The following NEK1 variants were observed in gnomAD, a reference collection of about 807,000 sequenced individuals.
NEK1 encodes the protein NIMA related kinase 1.
In NEK1, 137 loss-of-function variants were observed where a neutral mutation model predicts 182.1. That is an observed-to-expected ratio of 0.75 (90% CI 0.65 to 0.87). The LOEUF is 0.87. Among genes scored for constraint, NEK1 ranks in the 40% least tolerant of loss-of-function variants. NEK1 has a pLI of 0.00. For missense variants in NEK1, 1,391 were observed against 1,494.4 expected (o/e 0.93, Z 1.14); for synonymous variants, 513 against 492.2 (o/e 1.04, Z -0.56).
In NEK1 at chr4:169,439,775, G is replaced by A. The variant is rs529297048; in HGVS notation, c.2588-1516C>T. ...ATTTAGTAAAAATAATCAGTACAGC[G>A]TCCAGATATAAAATTTTCTATCTAT... On this transcript the variant is annotated intron_variant, in intron 27 of 35. Transcript: ENST00000507142. Among the ~76,000 whole-genome samples the A allele has an allele frequency of 3.2e-4, 49 of 151,410 alleles. No homozygotes were observed. The Middle Eastern group carries it at 0.01, about 32-fold the overall frequency.
intron 19 of NEK1, among the ~76,000 whole-genome samples, chr4:169,536,296 C>CA (rs386402227): frequency 0.35 from 31,434 of 90,144 alleles, 5,182 homozygotes; most frequent in African/African-American, 0.52. Flanking sequence ...GAGTTTGTCT[C>CA]AAAAAAAAAA....
intron 30 of NEK1, among the ~76,000 whole-genome samples, chr4:169,425,442 G>GA (rs35489092): frequency 0.023 from 2,277 of 100,638 alleles, 57 homozygotes; most frequent in African/African-American, 0.062. Flanking sequence ...CAAACAAAAT[G>GA]AAAAAAAAAA....
At chr4:169,561,806 G>A (rs762854802) in intron 14 of NEK1, 26 bp downstream of exon 14, 53 of 1,605,700 alleles carry the variant, frequency 3.3e-5, no homozygotes, top group Non-Finnish European at 3.6e-5. Flanking sequence ...CTTGCCAAAG[G>A]TAGAAAAACA....
intron 12 of NEK1, among the ~76,000 whole-genome samples, chr4:169,571,506 T>C (rs1764847578): frequency 6.6e-6 from 1 of 152,164 alleles, no homozygotes; most frequent in African/African-American, 2.4e-5. Context: ...TTACTTGATA[T>C]AGTGTGATCA....
chr4:169,611,115 T>A (rs1772252806), intron 2 of NEK1, among the ~76,000 whole-genome samples: 1 of 152,200 alleles, frequency 6.6e-6, no homozygotes, highest in Admixed American at 6.5e-5. Flanking sequence ...TGAAAAGGTG[T>A]CATGTTCATG....
chr4:169,604,132 T>A (rs1194662434), intron 2 of NEK1, among the ~76,000 whole-genome samples: 3 of 152,246 alleles, frequency 2.0e-5, no homozygotes, highest in Non-Finnish European at 4.4e-5. Context: ...CATAAATTAT[T>A]TTCCCTTATA....
chr4:169,527,930 C>CTTTAA (rs1351469107), intron 19 of NEK1, among the ~76,000 whole-genome samples: 1 of 151,870 alleles, frequency 6.6e-6, no homozygotes, highest in East Asian at 1.9e-4. Flanking sequence ...TATAAATTCA[C>CTTTAA]TATAAAAAAC....
intron 31 of NEK1, among the ~76,000 whole-genome samples, chr4:169,422,278 G>A (rs932633295): frequency 1.3e-5 from 2 of 152,180 alleles, no homozygotes; most frequent in Admixed American, 1.3e-4. Context: ...GGTTGCAAAA[G>A]GGGATAGAGA....
chr4:169,505,574 C>T (rs1053229895), intron 23 of NEK1, among the ~76,000 whole-genome samples: 1 of 152,196 alleles, frequency 6.6e-6, no homozygotes, highest in Non-Finnish European at 1.5e-5. Context: ...AGTCAAAAGT[C>T]GTATGTGAAT....
At chr4:169,441,517 T>C (rs1739457101) in intron 27 of NEK1, among the ~76,000 whole-genome samples, 1 of 152,166 alleles carries the variant, frequency 6.6e-6, no homozygotes, top group Non-Finnish European at 1.5e-5. Flanking sequence ...CCACCACCAC[T>C]GATTTCTGAG....
rs1166159246 is a variant in NEK1, at chr4:169,507,803, A to T, written c.1834-11T>A. 2 of 1,599,542 alleles carry T rather than the reference A, an allele frequency of 1.3e-6. No homozygotes were observed. Among genetic ancestry groups the T allele is most frequent in the African/African-American group, 2.7e-5 (2 of 74,700 alleles). On this transcript the variant is annotated splice_polypyrimidine_tract_variant and intron_variant, in intron 21 of 35. Transcript: ENST00000507142. ...ATGATTAGCTTCTTTCTACAAAATA[A>T]GTAGATAAGCAAATCACTTAGGATA... is the stretch of plus-strand genomic sequence containing the variant.
At chr4:169,570,455 TG>T (rs1167674045) in intron 12 of NEK1, among the ~76,000 whole-genome samples, 1 of 141,752 alleles carries the variant, frequency 7.1e-6, no homozygotes, top group Non-Finnish European at 1.5e-5. Context: ...GGGAGGGAGG[TG>T]GGGGGATCAG....
Position 169,401,681 on chromosome 4 carries a change from T to C in NEK1, c.3554A>G (p.Glu1185Gly). ...GTGCCATTCTTCGTTCAGGGCACTTTCACTGCTGGGATTGTCATCTTCATC... is the reference window on the plus strand; with the variant it reads ...GTGCCATTCTTCGTTCAGGGCACTTCCACTGCTGGGATTGTCATCTTCATC... ...VADEDDNPSS[E>G]SALNEEWHSD... The change falls in exon 33 of 36, where the codon GAA becomes GGA. Residue 1185 changes from glutamate to glycine, a missense_variant. Physicochemically the swap from Glu to Gly is moderately conservative, Grantham distance 98. Transcript: ENST00000507142. The C allele has an allele frequency of 6.2e-7, 1 of 1,613,906 alleles. No individual in the cohort carries two copies. Among genetic ancestry groups the C allele is most frequent in the Admixed American group, 1.7e-5 (1 of 60,010 alleles).
chr4:169,476,903 A>G (rs1747051200), intron 26 of NEK1, among the ~76,000 whole-genome samples: 1 of 152,058 alleles, frequency 6.6e-6, no homozygotes. Flanking sequence ...CTTTTGTAAT[A>G]AAAATCCTTG....
chr4:169,420,048 T>C (rs1052546077), intron 31 of NEK1, among the ~76,000 whole-genome samples: 3 of 152,182 alleles, frequency 2.0e-5, no homozygotes, highest in Non-Finnish European at 4.4e-5. Context: ...ATACATAGAC[T>C]ACACTAAATG....
chr4:169,470,935 C>T (rs189825445), intron 26 of NEK1, among the ~76,000 whole-genome samples: 1 of 152,254 alleles, frequency 6.6e-6, no homozygotes, highest in Non-Finnish European at 1.5e-5. Context: ...CTTGTGTATG[C>T]TTCACAAAGT....
At position 169,508,757 on chromosome 4, in the gene NEK1, C is replaced by A. The variant is rs780575380; in HGVS notation, c.1749+12G>T. The stretch of plus-strand genomic sequence containing the variant: ...CTATGTGATGGAGGTAGCGAACATG[C>A]GGGAAGCATACCTCTTCCTCTTTGT... On this transcript the variant is annotated intron_variant, in intron 20 of 35. Coordinates refer to ENST00000507142, the MANE Select transcript of NEK1 (RefSeq NM_001199397.3). 2 of 1,553,826 alleles carry A rather than the reference C, an allele frequency of 1.3e-6. No individual in the cohort carries two copies. Among genetic ancestry groups the A allele is most frequent in the Non-Finnish European group, 1.7e-6 (2 of 1,154,978 alleles).
intron 27 of NEK1, among the ~76,000 whole-genome samples, chr4:169,454,897 T>C (rs1175788095): frequency 6.6e-6 from 1 of 152,206 alleles, no homozygotes; most frequent in Non-Finnish European, 1.5e-5. Flanking sequence ...ATGGTGGCAC[T>C]ATTCACAACA....
At chr4:169,420,506 G>A (rs976354485) in intron 31 of NEK1, among the ~76,000 whole-genome samples, 2 of 152,222 alleles carry the variant, frequency 1.3e-5, no homozygotes, top group East Asian at 1.9e-4. Flanking sequence ...ACAAACATGT[G>A]AGTAATGCAC....
Sources: allele counts gnomAD v4.1 joint callset (sites outside exome capture counted in the v4.1 genomes callset), GRCh38; gene constraint gnomAD v4.1.1; transcripts MANE v1.5; gene names NCBI Gene and HGNC (gene_info 2026-07-23, HGNC 2026-07-21).